The following GSS variants were observed in gnomAD, a reference collection of about 807,000 sequenced individuals.
The protein encoded by GSS is GSH synthetase.
GSS carries 34 observed loss-of-function variants against 60.4 expected under a neutral mutation model. That is an observed-to-expected ratio of 0.56 (90% CI 0.43 to 0.75). GSS has a LOEUF of 0.75. GSS is among the 30% of genes least tolerant of loss of function. The pLI is 0.00. For synonymous variants in GSS, 224 were observed against 239.0 expected, an observed-to-expected ratio of 0.94 and a Z score of 0.58; for missense variants, 499 against 595.1, an observed-to-expected ratio of 0.84 and a Z score of 1.68.
rs1356428768 is a variant in GSS at position 34,946,111 on chromosome 20, A to C, written c.130-13T>G. On this transcript the variant is annotated splice_polypyrimidine_tract_variant and intron_variant, in intron 2 of 12. Coordinates refer to ENST00000651619, the MANE Select transcript of GSS (RefSeq NM_000178.4). Reference sequence around the variant, plus strand: ...CATAGCTCACCACCTGTGATCAAGAAGAGAGAATGGGACAGGGGTAGGGCA... The same window carrying C: ...CATAGCTCACCACCTGTGATCAAGACGAGAGAATGGGACAGGGGTAGGGCA... 4 of 1,605,366 alleles carry C rather than the reference A, an allele frequency of 2.5e-6. No homozygotes were observed. The highest frequency in any genetic ancestry group is 3.4e-6 in the Non-Finnish European group (4 of 1,173,234).
At chr20:34,934,479 G>T (rs1165484510) in intron 9 of GSS, among the ~76,000 whole-genome samples, 2 of 151,994 alleles carry the variant, frequency 1.3e-5, no homozygotes, top group African/African-American at 4.8e-5. Flanking sequence ...GTTTCACCAT[G>T]TTGGCCAGGC....
At chr20:34,931,029 T>C (rs2081396766) in intron 11 of GSS, among the ~76,000 whole-genome samples, 1 of 152,244 alleles carries the variant, frequency 6.6e-6, no homozygotes, top group African/African-American at 2.4e-5. Context: ...AGTTTCAAAC[T>C]AGAAAGGAAA....
At chr20:34,953,279 C>T (rs2081583182) in intron 1 of GSS, among the ~76,000 whole-genome samples, 1 of 151,532 alleles carries the variant, frequency 6.6e-6, no homozygotes, top group Admixed American at 6.5e-5. Flanking sequence ...ACCTCCATCA[C>T]ATTCAGCTCT....
At chr20:34,949,298 C>T (rs35595300) in intron 2 of GSS, 1 of 152,314 alleles carries the variant, frequency 6.6e-6, no homozygotes, top group African/African-American at 2.4e-5. Flanking sequence ...CTCTGATCTA[C>T]AGGATAAAGT....
At chr20:34,936,738 C>T (rs2081443292) in intron 8 of GSS, 25 bp downstream of exon 8, 1 of 1,533,332 alleles carries the variant, frequency 6.5e-7, no homozygotes, top group South Asian at 1.1e-5. Context: ...AACCAGCCTT[C>T]CACTGGATTC....
At chr20:34,951,702 TG>T in intron 2 of GSS, 21 bp downstream of exon 2, 1 of 1,592,438 alleles carries the variant, frequency 6.3e-7, no homozygotes, top group East Asian at 2.3e-5. Flanking sequence ...GTGAATGCTG[TG>T]GGGAGGAGCT....
chr20:34,946,078 G>A lies in GSS; in HGVS notation c.150C>T (p.Phe50=), dbSNP rs1401385212. ...TSSEVVSYAP[F]TLFPSLVPSA... ...TGGGGACCAGTGAGGGGAAGAGCGTGAATGGGGCATAGCTCACCACCTGTG... is the reference window on the plus strand; with the variant it reads ...TGGGGACCAGTGAGGGGAAGAGCGTAAATGGGGCATAGCTCACCACCTGTG... The change falls in exon 3 of 13, where the codon TTC becomes TTT. Residue 50 remains phenylalanine, a synonymous_variant. Transcript: ENST00000651619. 6.2e-7 allele frequency: 1 copy of A among 1,613,530 alleles called. No homozygotes were observed. Among genetic ancestry groups the A allele is most frequent in the Non-Finnish European group, 8.5e-7 (1 of 1,179,634 alleles).
intron 2 of GSS, among the ~76,000 whole-genome samples, chr20:34,948,243 G>C (rs777215828): frequency 1.3e-5 from 2 of 152,194 alleles, no homozygotes; most frequent in Admixed American, 6.5e-5. Context: ...CTAATACCCT[G>C]AGTAGCTATG....
At chr20:34,942,056 C>T (rs1250203095) in intron 5 of GSS, among the ~76,000 whole-genome samples, 1 of 152,118 alleles carries the variant, frequency 6.6e-6, no homozygotes, top group East Asian at 1.9e-4. Flanking sequence ...CTGTCCCCAC[C>T]CCAACCTACC....
At chr20:34,945,865 C>T (rs2081517031) in intron 3 of GSS, 88 bp downstream of exon 3, 3 of 1,409,592 alleles carry the variant, frequency 2.1e-6, no homozygotes, top group Non-Finnish European at 2.0e-6. Context: ...ACCAAGTCAG[C>T]TGACACAGTA....
chr20:34,936,231 T>C (rs988674824), intron 8 of GSS, among the ~76,000 whole-genome samples: 1 of 152,356 alleles, frequency 6.6e-6, no homozygotes, highest in African/African-American at 2.4e-5. Flanking sequence ...CAGTGAGTGG[T>C]ATTGTGAAAT....
At chr20:34,938,897 T>C (rs2081461664) in intron 6 of GSS, among the ~76,000 whole-genome samples, 1 of 152,142 alleles carries the variant, frequency 6.6e-6, no homozygotes, top group Non-Finnish European at 1.5e-5. Flanking sequence ...GGTAATTGAC[T>C]TGGGTAAGGC....
At position 34,951,296 on chromosome 20, in the gene GSS, T is replaced by C. The variant is rs58656310; in HGVS notation, c.129+428A>G. Among the ~76,000 whole-genome samples the C allele has an allele frequency of 9.3e-3, 1,418 of 152,364 alleles. 30 individuals carry two copies. Among genetic ancestry groups the C allele is most frequent in the African/African-American group, 0.032 (1,346 of 41,592 alleles). ...AAAAAGACGTATTTCTATATATACC[T>C]ATCTATGTATATAAATGCACAGAGA... On this transcript the variant is annotated intron_variant, in intron 2 of 12. Transcript: ENST00000651619.
rs2081374306 is a variant in GSS, at chr20:34,928,905, G to A, written c.1348C>T (p.Arg450Ter). Residue 450 changes from arginine (R) to a stop codon, truncating the protein, a stop_gained, in exon 13 of 13, where the codon CGA becomes TGA. Transcript: ENST00000651619. LOFTEE classifies it high-confidence loss of function. ...TCTGCATGCTCGATGGCTTTGGTTC[G>A]AAGTAGATGCCCCACGTGCTTGTTC... ...VMNKHVGHLL[R>*]TKAIEHADGG... 3.7e-6 allele frequency: 6 copies of A among 1,613,842 alleles called. No homozygotes were observed. Among genetic ancestry groups the A allele is most frequent in the Non-Finnish European group, 5.1e-6 (6 of 1,179,998 alleles).
Position 34,946,038 on chromosome 20 carries a change from G to C in GSS, c.190C>G (p.Gln64Glu). 6.2e-7 allele frequency: 1 copy of C among 1,613,828 alleles called. No individual in the cohort carries two copies. The highest frequency in any genetic ancestry group is 8.5e-7 in the Non-Finnish European group (1 of 1,179,700). The change falls in exon 3 of 13, where the codon CAA becomes GAA. Residue 64 changes from glutamine (Q) to glutamate (E), a missense_variant. Physicochemically the swap from Gln to Glu is conservative, Grantham distance 29. Coordinates refer to ENST00000651619, the MANE Select transcript of GSS (RefSeq NM_000178.4). ...PSLVPSALLEQAYAVQMDFNL... is the reference protein window; with the variant it reads ...PSLVPSALLEEAYAVQMDFNL... The stretch of plus-strand genomic sequence containing the variant: ...AAGTCCATCTGCACAGCATAGGCTT[G>C]CTCCAGCAGGGCACTGGGGACCAGT...
In GSS at chr20:34,951,857, A is replaced by G; in HGVS notation, c.-5T>C. On this transcript the variant is annotated 5_prime_UTR_variant, in exon 2 of 13. Coordinates refer to ENST00000651619, the MANE Select transcript of GSS (RefSeq NM_000178.4). ...GCTCCCCCAGTTGGTGGCCATCCCA[A>G]CACCTGCAAAAGATGGAGAGAAGAG... 1 of 1,614,044 alleles carries G rather than the reference A, an allele frequency of 6.2e-7. No individual in the cohort carries two copies.
Position 34,942,981 on chromosome 20 carries a change from C to T in GSS, c.301G>A (p.Ala101Thr), listed in dbSNP as rs201454774. The T allele has an allele frequency of 2.5e-5, 41 of 1,611,666 alleles. No individual in the cohort carries two copies. The highest frequency in any genetic ancestry group is 3.1e-5 in the Non-Finnish European group (37 of 1,178,564). Residue 101 changes from alanine (A) to threonine (T), a missense_variant, in exon 4 of 13, where the codon GCT becomes ACT. Physicochemically the swap from Ala to Thr is moderately conservative, Grantham distance 58. Coordinates refer to ENST00000651619, the MANE Select transcript of GSS (RefSeq NM_000178.4). Reference protein sequence around the residue: ...SSTIKQDDFTARLFDIHKQVL... With the variant: ...SSTIKQDDFTTRLFDIHKQVL... The stretch of plus-strand genomic sequence containing the variant: ...TGCTTGTGGATGTCAAAGAGACGAG[C>T]GGTAAAGTCATCCTGTTTGATGGTG...
Position 34,928,729 on chromosome 20 carries a change from A to G in GSS, c.*99T>C, listed in dbSNP as rs761213828. 1.6e-5 allele frequency: 22 copies of G among 1,374,022 alleles called. No individual in the cohort carries two copies. The highest frequency in any genetic ancestry group is 2.2e-5 in the Non-Finnish European group (21 of 971,128). The allele number at this position is 1,374,022 out of a possible 1,614,324, so 85.1% of individuals were successfully genotyped here. On this transcript the variant is annotated 3_prime_UTR_variant, in exon 13 of 13. Transcript: ENST00000651619. ...GGAAGGTACCAGTATTTACCCTTCC[A>G]TAAAAACTTTGGAGGTCTTTAGGAG...
Position 34,955,797 on chromosome 20 carries a change from T to A in GSS, c.-79A>T, listed in dbSNP as rs972483546. 6.6e-6 allele frequency: 1 copy of A among 152,198 alleles called. No individual in the cohort carries two copies. Among genetic ancestry groups the A allele is most frequent in the African/African-American group, 2.4e-5 (1 of 41,428 alleles). 9.4% of individuals were successfully genotyped at this position (152,198 alleles called of 1,614,324 possible). On this transcript the variant is annotated 5_prime_UTR_variant, in exon 1 of 13. Coordinates refer to ENST00000651619, the MANE Select transcript of GSS (RefSeq NM_000178.4). Reference sequence around the variant, plus strand: ...CTACCCAGGCTCAGGGGGCGGGGCCTCGATGCGACCCAGTGCGCTTGCGCT... The same window carrying A: ...CTACCCAGGCTCAGGGGGCGGGGCCACGATGCGACCCAGTGCGCTTGCGCT...
Sources: gnomAD v4.1 joint callset for allele counts (sites outside exome capture counted in the v4.1 genomes callset) on GRCh38, gnomAD v4.1.1 for gene constraint, MANE v1.5 for transcripts, NCBI Gene and HGNC (gene_info 2026-07-23, HGNC 2026-07-21) for gene names.